The following SLC24A3 variants were observed in gnomAD, a reference collection of about 807,000 sequenced individuals.
The protein encoded by SLC24A3 is sodium/potassium/calcium exchanger 3.
In SLC24A3, 28 loss-of-function variants were observed where a neutral mutation model predicts 75.8. The observed-to-expected ratio is 0.37, with a 90% CI of 0.27 to 0.51. The LOEUF is 0.51. Among genes scored for constraint, SLC24A3 ranks in the 20% least tolerant of loss-of-function variants. SLC24A3 has a pLI of 0.94. For synonymous variants in SLC24A3, 372 were observed against 334.1 expected (o/e 1.11, Z -1.24); for missense variants, 663 against 847.8 (o/e 0.78, Z 2.71).
intron 2 of SLC24A3, among the ~76,000 whole-genome samples, chr20:19,439,818 T>C (rs557186929): frequency 5.7e-4 from 87 of 152,346 alleles, no homozygotes; most frequent in Admixed American, 2.1e-3. Flanking sequence ...TAACACGGTC[T>C]CTCCGTGTAG....
intron 15 of SLC24A3, among the ~76,000 whole-genome samples, chr20:19,712,470 G>A (rs886930692): frequency 1.3e-5 from 2 of 152,128 alleles, no homozygotes; most frequent in African/African-American, 4.8e-5. Context: ...ACTTATGGCA[G>A]GATGGGCAGA....
At chr20:19,268,517 G>A (rs765802942) in intron 1 of SLC24A3, among the ~76,000 whole-genome samples, 1 of 152,182 alleles carries the variant, frequency 6.6e-6, no homozygotes, top group African/African-American at 2.4e-5. Flanking sequence ...GCTCATTCAT[G>A]CTTTTTAATA....
At chr20:19,583,383 G>A (rs1028626691) in intron 4 of SLC24A3, among the ~76,000 whole-genome samples, 3 of 152,148 alleles carry the variant, frequency 2.0e-5, no homozygotes, top group Admixed American at 2.0e-4. Flanking sequence ...TTTTGCACCA[G>A]CATACAGGGA....
intron 1 of SLC24A3, among the ~76,000 whole-genome samples, chr20:19,248,513 A>G (rs2143854): frequency 0.64 from 97,442 of 152,010 alleles, 32,471 homozygotes; most frequent in East Asian, 0.96. Flanking sequence ...TGAAATATTG[A>G]CGTGGAGAAA....
chr20:19,619,202 G>C (rs563302827), intron 6 of SLC24A3, among the ~76,000 whole-genome samples: 4 of 152,276 alleles, frequency 2.6e-5, no homozygotes, highest in African/African-American at 7.2e-5. Context: ...TGGCTCCCAG[G>C]CTAGGTCAGA....
At chr20:19,359,739 T>G (rs565312501) in intron 2 of SLC24A3, among the ~76,000 whole-genome samples, 1 of 152,322 alleles carries the variant, frequency 6.6e-6, no homozygotes, top group South Asian at 2.1e-4. Context: ...CTCTGCTTTC[T>G]GACTGTTTGG....
intron 3 of SLC24A3, among the ~76,000 whole-genome samples, chr20:19,555,678 A>T (rs955637734): frequency 6.6e-6 from 1 of 152,200 alleles, no homozygotes; most frequent in African/African-American, 2.4e-5. Flanking sequence ...AGAACAGAGC[A>T]TCGTAAAACC....
intron 2 of SLC24A3, among the ~76,000 whole-genome samples, chr20:19,350,523 A>G (rs1985542718): frequency 6.6e-6 from 1 of 152,242 alleles, no homozygotes; most frequent in Admixed American, 6.5e-5. Context: ...ATTCTAAACA[A>G]AAAGATATGT....
rs988209217 is a variant in SLC24A3, at chr20:19,288,860, G to A, written c.271+7773G>A. ...GTGAATAAAGTTTTATTGGAACACA[G>A]CCACACACATCCATTTATGTGTTTC... On this transcript the variant is annotated intron_variant, in intron 2 of 16. Coordinates refer to ENST00000328041, the MANE Select transcript of SLC24A3 (RefSeq NM_020689.4). Among the ~76,000 whole-genome samples the A allele has an allele frequency of 2.0e-5, 3 of 152,332 alleles. 1 individual carries two copies. Among genetic ancestry groups the A allele is most frequent in the African/African-American group, 7.2e-5 (3 of 41,582 alleles).
chr20:19,348,962 T>C (rs6112324), intron 2 of SLC24A3, among the ~76,000 whole-genome samples: 78,423 of 151,862 alleles, frequency 0.52, 22,137 homozygotes, highest in African/African-American at 0.75. Flanking sequence ...ACACCCAGCA[T>C]ATCCTGCTTC....
chr20:19,493,019 C>G (rs1417014121), intron 2 of SLC24A3, among the ~76,000 whole-genome samples: 2 of 152,198 alleles, frequency 1.3e-5, no homozygotes, highest in East Asian at 3.8e-4. Context: ...CTGCCGATAT[C>G]TGACTCTGGG....
intron 6 of SLC24A3, among the ~76,000 whole-genome samples, chr20:19,612,076 T>C (rs1432590571): frequency 1.3e-5 from 2 of 152,212 alleles, no homozygotes; most frequent in African/African-American, 4.8e-5. Flanking sequence ...TGTGCGCTGA[T>C]GAGGCTAGCC....
At chr20:19,380,806 C>A (rs1353409023) in intron 2 of SLC24A3, among the ~76,000 whole-genome samples, 2 of 152,176 alleles carry the variant, frequency 1.3e-5, no homozygotes, top group African/African-American at 4.8e-5. Context: ...CAACCTTGGA[C>A]ATGAGAGTGA....
At chr20:19,400,509 C>T (rs558802537) in intron 2 of SLC24A3, among the ~76,000 whole-genome samples, 1 of 152,264 alleles carries the variant, frequency 6.6e-6, no homozygotes, top group African/African-American at 2.4e-5. Flanking sequence ...TGACCTCTAA[C>T]CTCTTCGAGT....
intron 2 of SLC24A3, among the ~76,000 whole-genome samples, chr20:19,344,383 T>A (rs982784075): frequency 9.9e-5 from 15 of 152,198 alleles, no homozygotes; most frequent in Admixed American, 8.5e-4. Context: ...AGTGAAACCA[T>A]AACTACATAT....
intron 2 of SLC24A3, among the ~76,000 whole-genome samples, chr20:19,481,764 G>A (rs925763268): frequency 2.6e-5 from 4 of 152,062 alleles, no homozygotes; most frequent in Admixed American, 6.5e-5. Context: ...AGTGCTCCCC[G>A]AGTGATCTTC....
chr20:19,556,669 G>A (rs1239706770), intron 3 of SLC24A3, among the ~76,000 whole-genome samples: 6 of 151,824 alleles, frequency 4.0e-5, no homozygotes, highest in Non-Finnish European at 2.9e-5. Context: ...GTCACAACTG[G>A]TTGGGACACT....
At chr20:19,533,001 G>T (rs57115161) in intron 3 of SLC24A3, among the ~76,000 whole-genome samples, 1,961 of 152,288 alleles carry the variant, frequency 0.013, 43 homozygotes, top group South Asian at 0.045. Context: ...TTTCAGAACT[G>T]CCTGATTCTT....
At chr20:19,583,863 C>T (rs2031256315) in intron 4 of SLC24A3, among the ~76,000 whole-genome samples, 1 of 151,428 alleles carries the variant, frequency 6.6e-6, no homozygotes, top group East Asian at 2.0e-4. Flanking sequence ...CCATGTGAAG[C>T]TTCGCTGTCC....
Sources: allele counts gnomAD v4.1 joint callset (sites outside exome capture counted in the v4.1 genomes callset), GRCh38; gene constraint gnomAD v4.1.1; transcripts MANE v1.5; gene names NCBI Gene and HGNC (gene_info 2026-07-23, HGNC 2026-07-21).